GRIK4: variants seen among roughly 807,000 people sequenced by gnomAD.
GRIK4 encodes the protein glutamate ionotropic receptor kainate type subunit 4, also known as glutamate receptor ionotropic, kainate 4.
A neutral mutation model predicts 104.9 loss-of-function variants in GRIK4; 40 were observed. The ratio of observed to expected loss-of-function variants is 0.38; its 90% CI spans 0.30 to 0.50. The LOEUF is 0.50. Ranked by LOEUF, GRIK4 falls within the 20% of genes least tolerant of loss-of-function variation. GRIK4 has a pLI of 0.93. For synonymous variants in GRIK4, 485 were observed against 524.9 expected, an observed-to-expected ratio of 0.92 and a Z score of 1.04; for missense variants, 1,047 against 1,308.1, an observed-to-expected ratio of 0.80 and a Z score of 3.08.
At chr11:120,540,917 G>A (rs535891560) in intron 1 of GRIK4, among the ~76,000 whole-genome samples, 9 of 152,320 alleles carry the variant, frequency 5.9e-5, no homozygotes, top group African/African-American at 1.7e-4. Flanking sequence ...TTGAAGAGCT[G>A]TGATCACAAA....
At chr11:120,864,703 C>G (rs1954359657) in intron 9 of GRIK4, among the ~76,000 whole-genome samples, 1 of 152,224 alleles carries the variant, frequency 6.6e-6, no homozygotes, top group Non-Finnish European at 1.5e-5. Flanking sequence ...CTAAGGGTAT[C>G]TTCCTTTGCA....
At chr11:120,562,848 A>G (rs1948256457) in intron 1 of GRIK4, among the ~76,000 whole-genome samples, 2 of 152,178 alleles carry the variant, frequency 1.3e-5, no homozygotes, top group Admixed American at 6.5e-5. Flanking sequence ...ATGATTGGGC[A>G]TGGGGGGTAT....
chr11:120,595,061 A>G (rs1948784550), intron 1 of GRIK4, among the ~76,000 whole-genome samples: 1 of 152,246 alleles, frequency 6.6e-6, no homozygotes, highest in African/African-American at 2.4e-5. Flanking sequence ...CCTCCTCTTC[A>G]AAGGGATAAT....
chr11:120,699,847 CA>C (rs1222172828), intron 3 of GRIK4, among the ~76,000 whole-genome samples: 2 of 152,104 alleles, frequency 1.3e-5, no homozygotes, highest in Non-Finnish European at 2.9e-5. Context: ...GGGGCATGCC[CA>C]GGGGGTCCAT....
In GRIK4 at chr11:120,905,336, G is replaced by T. The variant is rs1942843442; in HGVS notation, c.1319G>T (p.Gly440Val). 1 of 1,613,962 alleles carries T rather than the reference G, an allele frequency of 6.2e-7. No homozygotes were observed. Residue 440 changes from glycine to valine, a missense_variant, in exon 13 of 21, where the codon GGC becomes GTC. Gly to Val is a moderately radical substitution (Grantham distance 109). Around this residue, in one of 3 missense-constraint regions of GRIK4, gnomAD observed 440 missense variants for 652.3 expected, o/e 0.67. Transcript: ENST00000527524. The surrounding 1 kb of genome is among the most constrained non-coding windows in gnomAD (Gnocchi z 5.1). ...MLKGNHQEME[G>V]NDRYEGFCVD... ...AAGGGGAACCACCAGGAGATGGAAGGCAATGACCGCTACGAGGGCTTCTGT... is the reference window on the plus strand; with the variant it reads ...AAGGGGAACCACCAGGAGATGGAAGTCAATGACCGCTACGAGGGCTTCTGT...
At chr11:120,957,310 A>G (rs891344227) in intron 16 of GRIK4, among the ~76,000 whole-genome samples, 16 of 152,362 alleles carry the variant, frequency 1.1e-4, no homozygotes, top group Non-Finnish European at 2.1e-4. Context: ...ATGCAAGTAT[A>G]AGCCTGCTGG....
chr11:120,836,770 C>G, intron 7 of GRIK4, 21 bp from the exon 8 acceptor site: 3 of 1,571,176 alleles, frequency 1.9e-6, no homozygotes, highest in Non-Finnish European at 2.6e-6. Flanking sequence ...CTTCTCTAAT[C>G]TCCTTCTCTT....
chr11:120,920,105 A>G (rs75736746), intron 13 of GRIK4, among the ~76,000 whole-genome samples: 7,982 of 152,170 alleles, frequency 0.052, 274 homozygotes, highest in African/African-American at 0.08. Context: ...ACACCTAGGT[A>G]CAAATCGCTG....
chr11:120,740,139 A>C (rs1951301652), intron 3 of GRIK4, among the ~76,000 whole-genome samples: 1 of 152,136 alleles, frequency 6.6e-6, no homozygotes, highest in Non-Finnish European at 1.5e-5. Context: ...ATAGGTGTAG[A>C]TTGACTCTCC....
intron 3 of GRIK4, among the ~76,000 whole-genome samples, chr11:120,714,419 T>C (rs1950790939): frequency 2.0e-5 from 3 of 152,244 alleles, no homozygotes; most frequent in Admixed American, 6.5e-5. Context: ...AGCAGTTATT[T>C]ATTGAACACC....
intron 3 of GRIK4, among the ~76,000 whole-genome samples, chr11:120,788,802 A>G (rs1769092647): frequency 6.8e-6 from 1 of 147,586 alleles, no homozygotes; most frequent in Non-Finnish European, 1.5e-5. Flanking sequence ...CGATTGTCCT[A>G]ATTATGCCCC....
At chr11:120,702,112 C>T (rs1208619710) in intron 3 of GRIK4, among the ~76,000 whole-genome samples, 2 of 152,194 alleles carry the variant, frequency 1.3e-5, no homozygotes, top group East Asian at 1.9e-4. Context: ...CACGCCACCA[C>T]GCCTGGCTAA....
At chr11:120,612,281 A>G (rs973145899) in intron 1 of GRIK4, among the ~76,000 whole-genome samples, 2 of 152,196 alleles carry the variant, frequency 1.3e-5, no homozygotes, top group African/African-American at 4.8e-5. Context: ...TGTTGAATGA[A>G]TGAATGATAA....
At chr11:120,662,558 A>C (rs1488740651) in intron 3 of GRIK4, among the ~76,000 whole-genome samples, 1 of 152,124 alleles carries the variant, frequency 6.6e-6, no homozygotes, top group Non-Finnish European at 1.5e-5. Context: ...TGGGAAGAGA[A>C]GTGGGTCAAG....
At chr11:120,697,926 T>C (rs955743127) in intron 3 of GRIK4, among the ~76,000 whole-genome samples, 3 of 152,168 alleles carry the variant, frequency 2.0e-5, no homozygotes, top group African/African-American at 7.2e-5. Context: ...ACTGATGCAC[T>C]GCTCCTTACC....
At chr11:120,909,805 T>G (rs920204763) in intron 13 of GRIK4, among the ~76,000 whole-genome samples, 5 of 152,198 alleles carry the variant, frequency 3.3e-5, no homozygotes, top group African/African-American at 1.2e-4. Flanking sequence ...CAGGGTTATC[T>G]CCAGTGGAAA....
At chr11:120,767,702 T>C (rs1951863982) in intron 3 of GRIK4, among the ~76,000 whole-genome samples, 1 of 152,194 alleles carries the variant, frequency 6.6e-6, no homozygotes, top group South Asian at 2.1e-4. Context: ...ATGTCTTCTA[T>C]GCATTTCGAG....
intron 1 of GRIK4, among the ~76,000 whole-genome samples, chr11:120,540,128 C>A (rs1484754886): frequency 1.3e-5 from 2 of 152,092 alleles, no homozygotes; most frequent in East Asian, 3.9e-4. Context: ...TAGGGAGACA[C>A]CATAGAAAGG....
intron 3 of GRIK4, among the ~76,000 whole-genome samples, chr11:120,771,172 G>A (rs1039268371): frequency 6.6e-6 from 1 of 152,176 alleles, no homozygotes; most frequent in Non-Finnish European, 1.5e-5. Context: ...CTCAAAAGAG[G>A]AGAACCACAG....
Sources: gnomAD v4.1 joint callset for allele counts (sites outside exome capture counted in the v4.1 genomes callset) on GRCh38, gnomAD v4.1.1 for gene constraint, gnomAD v4.1.1 regional missense constraint, Gnocchi (gnomAD v3.1) non-coding constraint, MANE v1.5 for transcripts, NCBI Gene and HGNC (gene_info 2026-07-23, HGNC 2026-07-21) for gene names.